The following NDUFAB1 variants were observed in gnomAD, a reference collection of about 807,000 sequenced individuals.
NDUFAB1 encodes the protein NADH:ubiquinone oxidoreductase subunit AB1.
Under a neutral mutation model 16.1 loss-of-function variants are expected in NDUFAB1, and 5 were observed. The ratio of observed to expected loss-of-function variants is 0.31; its 90% CI spans 0.16 to 0.65. The LOEUF is 0.65. NDUFAB1 is among the 30% of genes least tolerant of loss of function. The probability of loss-of-function intolerance (pLI) is 0.77; values close to 1 mark genes in which losing one functional copy is unlikely to be tolerated. For synonymous variants in NDUFAB1, 85 were observed against 78.4 expected, an observed-to-expected ratio of 1.08 and a Z score of -0.44; for missense variants, 187 against 205.3, an observed-to-expected ratio of 0.91 and a Z score of 0.54.
At chr16:23,582,810 C>A (rs1402074678) in intron 3 of NDUFAB1, among the ~76,000 whole-genome samples, 4 of 146,136 alleles carry the variant, frequency 2.7e-5, no homozygotes, top group Admixed American at 1.3e-4. Flanking sequence ...CCTCTTCCCA[C>A]GGTCTCCCTC....
intron 1 of NDUFAB1, among the ~76,000 whole-genome samples, chr16:23,590,652 T>TTTC (rs1205401722): frequency 8.6e-5 from 13 of 151,242 alleles, no homozygotes; most frequent in African/African-American, 2.7e-4. Flanking sequence ...TTTTTTTTTT[T>TTTC]TTCAGACAGA....
intron 1 of NDUFAB1, among the ~76,000 whole-genome samples, chr16:23,593,049 A>T (rs997548112): frequency 6.6e-6 from 1 of 152,182 alleles, no homozygotes; most frequent in African/African-American, 2.4e-5. Flanking sequence ...TAATCCCAGC[A>T]CTTGGGAGGC....
intron 1 of NDUFAB1, among the ~76,000 whole-genome samples, chr16:23,589,534 G>C (rs759522248): frequency 1.2e-4 from 18 of 152,144 alleles, no homozygotes; most frequent in African/African-American, 3.9e-4. Flanking sequence ...AAATAAAATG[G>C]AGAAGAAAGG....
intron 1 of NDUFAB1, among the ~76,000 whole-genome samples, chr16:23,593,004 G>A (rs1308052188): frequency 6.6e-6 from 1 of 152,204 alleles, no homozygotes. Context: ...CAACATTTAA[G>A]GGTTAGGCAC....
chr16:23,587,009 T>G (rs1243339446), intron 2 of NDUFAB1, among the ~76,000 whole-genome samples, 188 bp downstream of exon 2: 1 of 152,200 alleles, frequency 6.6e-6, no homozygotes, highest in Admixed American at 6.5e-5. Flanking sequence ...TGTGTATACT[T>G]CTTTAACATA....
intron 1 of NDUFAB1, among the ~76,000 whole-genome samples, chr16:23,589,218 C>A (rs1305351208): frequency 1.3e-5 from 2 of 150,874 alleles, no homozygotes; most frequent in African/African-American, 4.9e-5. Flanking sequence ...ATCGCTTGAA[C>A]TTGGGAGTCG....
intron 4 of NDUFAB1, 159 bp downstream of exon 4, chr16:23,582,117 G>T: frequency 1.3e-6 from 1 of 792,456 alleles, no homozygotes; most frequent in Non-Finnish European, 1.8e-6. Flanking sequence ...CACCAGGGCT[G>T]GGCCCCTTTG....
rs572417109 is a variant in NDUFAB1, at chr16:23,591,620, CTA to C, written c.169-4303_169-4302del. 7.9e-5 allele frequency among the ~76,000 whole-genome samples: 12 copies of C among 152,310 alleles called. No individual in the cohort carries two copies. In the East Asian group the frequency reaches 2.3e-3, roughly 29 times the overall value. On this transcript the variant is annotated intron_variant, in intron 1 of 4. Coordinates refer to ENST00000007516, the MANE Select transcript of NDUFAB1 (RefSeq NM_005003.3). Reference sequence around the variant, plus strand: ...ATAAGCCCTGTTTCATGTTCACTCCCTATGACCTTTGCAGAGAATACCCACAA... The same window carrying C: ...ATAAGCCCTGTTTCATGTTCACTCCCTGACCTTTGCAGAGAATACCCACAA...
chr16:23,582,790 T>A (rs1261445027), intron 3 of NDUFAB1, among the ~76,000 whole-genome samples: 4 of 140,350 alleles, frequency 2.9e-5, no homozygotes, highest in Admixed American at 2.8e-4. Flanking sequence ...AAGGTCTCCC[T>A]CTCCCTCTCC....
intron 1 of NDUFAB1, among the ~76,000 whole-genome samples, chr16:23,590,124 C>T (rs426937): frequency 1.4e-4 from 21 of 152,096 alleles, no homozygotes; most frequent in Non-Finnish European, 2.4e-4. Context: ...ACACAACTAC[C>T]CATGAGGCCA....
intron 3 of NDUFAB1, among the ~76,000 whole-genome samples, chr16:23,584,456 C>T (rs1199319599): frequency 6.6e-6 from 1 of 151,352 alleles, no homozygotes; most frequent in Non-Finnish European, 1.5e-5. Context: ...CTGTAACACA[C>T]GTCACCCATG....
intron 3 of NDUFAB1, 140 bp downstream of exon 3, chr16:23,585,196 A>G (rs1966222642): frequency 1.6e-6 from 1 of 641,712 alleles, no homozygotes; most frequent in African/African-American, 1.8e-5. Flanking sequence ...AGTGGGCAGG[A>G]AGGTGTGTGT....
At chr16:23,593,839 CTTTTTAA>C (rs1966298793) in intron 1 of NDUFAB1, among the ~76,000 whole-genome samples, 1 of 151,468 alleles carries the variant, frequency 6.6e-6, no homozygotes, top group African/African-American at 2.4e-5. Flanking sequence ...TAACTACTGC[CTTTTTAA>C]CCCTTATTTA....
chr16:23,588,881 G>A (rs1222182265), intron 1 of NDUFAB1, among the ~76,000 whole-genome samples: 13 of 151,938 alleles, frequency 8.6e-5, no homozygotes, highest in Admixed American at 8.5e-4. Context: ...AGGTAGCTGA[G>A]GCATGAGAAT....
chr16:23,590,033 A>G (rs1440088986), intron 1 of NDUFAB1, among the ~76,000 whole-genome samples: 2 of 151,680 alleles, frequency 1.3e-5, no homozygotes, highest in African/African-American at 4.8e-5. Context: ...GCCAAAGTGG[A>G]AGGATCGCTT....
chr16:23,584,029 T>C (rs1461500242), intron 3 of NDUFAB1, among the ~76,000 whole-genome samples: 1 of 151,728 alleles, frequency 6.6e-6, no homozygotes, highest in Admixed American at 6.6e-5. Flanking sequence ...TGGTGCAAGA[T>C]GTGCTTTGTT....
At chr16:23,589,066 G>A (rs999637113) in intron 1 of NDUFAB1, among the ~76,000 whole-genome samples, 18 of 152,208 alleles carry the variant, frequency 1.2e-4, no homozygotes, top group African/African-American at 3.9e-4. Flanking sequence ...TTGGGAAGCC[G>A]AAGCAGGCGG....
chr16:23,587,458 G>T, intron 1 of NDUFAB1, 139 bp from the exon 2 acceptor site: 15 of 1,085,374 alleles, frequency 1.4e-5, no homozygotes, highest in Non-Finnish European at 1.7e-5. Flanking sequence ...GTGGCCACCA[G>T]GACACACTAA....
chr16:23,584,984 C>T (rs972363404), intron 3 of NDUFAB1, among the ~76,000 whole-genome samples: 1 of 152,230 alleles, frequency 6.6e-6, no homozygotes, highest in Admixed American at 6.5e-5. Flanking sequence ...GTTACCCGAG[C>T]TCAGGAGGGG....
Sources: gnomAD v4.1 joint callset for allele counts (sites outside exome capture counted in the v4.1 genomes callset) on GRCh38, gnomAD v4.1.1 for gene constraint, MANE v1.5 for transcripts, NCBI Gene and HGNC (gene_info 2026-07-23, HGNC 2026-07-21) for gene names.